Variants in GABBR2 observed in about 807,000 individuals in gnomAD.
GABBR2 encodes G-protein coupled receptor 51.
GABBR2 carries 23 observed loss-of-function variants against 105.6 expected under a neutral mutation model. The ratio of observed to expected loss-of-function variants is 0.22; its 90% CI spans 0.16 to 0.31. The LOEUF is 0.31. Among genes scored for constraint, GABBR2 ranks in the 10% least tolerant of loss-of-function variants. The pLI, the probability that GABBR2 is intolerant of heterozygous loss-of-function variation, is 1.00. For synonymous variants in GABBR2, 478 were observed against 499.7 expected, an observed-to-expected ratio of 0.96 and a Z score of 0.58; for missense variants, 734 against 1,245.5, an observed-to-expected ratio of 0.59 and a Z score of 6.18.
intron 3 of GABBR2, among the ~76,000 whole-genome samples, chr9:98,535,063 C>T (rs1217777241): frequency 6.6e-6 from 1 of 152,138 alleles, no homozygotes; most frequent in African/African-American, 2.4e-5. Context: ...GCTCCTCATC[C>T]ATGGATTCAA....
At chr9:98,537,720 A>C (rs1330751339) in intron 3 of GABBR2, among the ~76,000 whole-genome samples, 2 of 152,120 alleles carry the variant, frequency 1.3e-5, no homozygotes, top group Non-Finnish European at 2.9e-5. Context: ...TACAGGTGTG[A>C]GCCACCACAC....
Position 98,508,535 on chromosome 9 carries a change from G to A in GABBR2, c.631-12021C>T, listed in dbSNP as rs555411261. 2.0e-3 allele frequency among the ~76,000 whole-genome samples: 305 copies of A among 152,316 alleles called. 2 individuals are homozygous for A. Among genetic ancestry groups the A allele is most frequent in the African/African-American group, 6.8e-3 (282 of 41,564 alleles). ...CTAGTCAAAGAAAGGGGTAACAGAC[G>A]GCACCTGGAAAATTGGGTCACTCCC... is the stretch of plus-strand genomic sequence containing the variant. On this transcript the variant is annotated intron_variant, in intron 3 of 18. Coordinates refer to ENST00000259455, the MANE Select transcript of GABBR2 (RefSeq NM_005458.8).
intron 13 of GABBR2, among the ~76,000 whole-genome samples, chr9:98,328,817 C>A (rs905395094): frequency 1.6e-4 from 24 of 152,282 alleles, no homozygotes; most frequent in Admixed American, 5.9e-4. Context: ...CAGCCAGTCA[C>A]TGAGAATGTG....
intron 11 of GABBR2, among the ~76,000 whole-genome samples, chr9:98,381,863 C>T (rs183854481): frequency 2.7e-3 from 412 of 152,266 alleles, no homozygotes; most frequent in Non-Finnish European, 4.5e-3. Flanking sequence ...GAGCGTGACT[C>T]CCAGAATAGA....
At chr9:98,431,688 TTTTTG>T (rs1056715666) in intron 7 of GABBR2, among the ~76,000 whole-genome samples, 4 of 151,780 alleles carry the variant, frequency 2.6e-5, no homozygotes, top group East Asian at 3.9e-4. Flanking sequence ...TGTCTGTTTT[TTTTTG>T]TTTTGTTTTG....
At chr9:98,446,801 C>T (rs1010022085) in intron 7 of GABBR2, among the ~76,000 whole-genome samples, 8 of 152,124 alleles carry the variant, frequency 5.3e-5, no homozygotes, top group African/African-American at 1.9e-4. Flanking sequence ...GAACAAGCCC[C>T]ATGTTCTAGG....
intron 7 of GABBR2, among the ~76,000 whole-genome samples, chr9:98,438,365 C>T (rs2131583899): frequency 6.6e-6 from 1 of 152,256 alleles, no homozygotes; most frequent in East Asian, 1.9e-4. Flanking sequence ...CCCATACATT[C>T]AACCAGCCTT....
At chr9:98,588,880 G>GA (rs1475593769) in intron 1 of GABBR2, among the ~76,000 whole-genome samples, 2 of 152,150 alleles carry the variant, frequency 1.3e-5, no homozygotes, top group Non-Finnish European at 2.9e-5. Context: ...TGTGAGTGGG[G>GA]AAAAAATGCA....
At chr9:98,614,326 C>T (rs1175813235) in intron 1 of GABBR2, among the ~76,000 whole-genome samples, 2 of 152,122 alleles carry the variant, frequency 1.3e-5, no homozygotes, top group Non-Finnish European at 2.9e-5. Flanking sequence ...AAGTTCGAGA[C>T]CAGCCTGGTC....
chr9:98,370,670 T>C (rs1184094645), intron 12 of GABBR2, among the ~76,000 whole-genome samples: 1 of 152,146 alleles, frequency 6.6e-6, no homozygotes, highest in African/African-American at 2.4e-5. Flanking sequence ...ACTCTACATA[T>C]TATAATAGTT....
chr9:98,573,520 G>A (rs567419624), intron 2 of GABBR2, among the ~76,000 whole-genome samples: 33 of 152,316 alleles, frequency 2.2e-4, no homozygotes, highest in Admixed American at 2.0e-3. Flanking sequence ...CTGGCTTAAA[G>A]CCATCCTCCT....
intron 1 of GABBR2, among the ~76,000 whole-genome samples, chr9:98,632,617 G>A (rs765617603): frequency 2.0e-5 from 3 of 152,150 alleles, no homozygotes; most frequent in African/African-American, 4.8e-5. Context: ...CCATCATGCT[G>A]GAGAAGCCAA....
At position 98,629,698 on chromosome 9, in the gene GABBR2, T is replaced by G. The variant is rs116936182; in HGVS notation, c.322-51626A>C. Among the ~76,000 whole-genome samples, 5 of 152,304 alleles carry G rather than the reference T, an allele frequency of 3.3e-5. No individual in the cohort carries two copies. The East Asian group carries it at 9.7e-4, about 29-fold the overall frequency. On this transcript the variant is annotated intron_variant, in intron 1 of 18. Transcript: ENST00000259455. ...GGTCCAAACCAATTGGCTCACCCCT[T>G]TTTTCTTGATTGTGATTGGTTCAGG...
intron 1 of GABBR2, among the ~76,000 whole-genome samples, chr9:98,592,509 G>A (rs1829160623): frequency 6.6e-6 from 1 of 152,138 alleles, no homozygotes; most frequent in African/African-American, 2.4e-5. Flanking sequence ...ACAGGTTCAG[G>A]GAGCTTAACT....
At chr9:98,496,365 G>A (rs1047208861) in intron 4 of GABBR2, 48 bp downstream of exon 4, 1 of 1,190,872 alleles carries the variant, frequency 8.4e-7, no homozygotes, top group Admixed American at 1.7e-5. Context: ...TGGGCACCCA[G>A]GGCATTGAGA....
chr9:98,428,476 A>G (rs1340293531), intron 7 of GABBR2, among the ~76,000 whole-genome samples: 1 of 152,192 alleles, frequency 6.6e-6, no homozygotes, highest in East Asian at 1.9e-4. Context: ...GGATGTCATC[A>G]TGGGATCAGC....
intron 1 of GABBR2, among the ~76,000 whole-genome samples, chr9:98,654,653 G>A (rs1465680999): frequency 6.6e-6 from 1 of 152,192 alleles, no homozygotes; most frequent in Non-Finnish European, 1.5e-5. Context: ...GAATTCAGAA[G>A]GCCTAGACAA....
intron 2 of GABBR2, among the ~76,000 whole-genome samples, chr9:98,574,917 C>G (rs1051829202): frequency 1.3e-4 from 20 of 152,204 alleles, no homozygotes; most frequent in African/African-American, 4.6e-4. Context: ...GACAAAGCGT[C>G]CATCTTCAGA....
At chr9:98,478,388 A>G (rs1375107338) in intron 5 of GABBR2, among the ~76,000 whole-genome samples, 5 of 152,140 alleles carry the variant, frequency 3.3e-5, no homozygotes, top group Non-Finnish European at 7.4e-5. Flanking sequence ...CTTCCAGAAG[A>G]ACTCCTTCCC....
Sources: gnomAD v4.1 joint callset for allele counts (sites outside exome capture counted in the v4.1 genomes callset) on GRCh38, gnomAD v4.1.1 for gene constraint, MANE v1.5 for transcripts, NCBI Gene and HGNC (gene_info 2026-07-23, HGNC 2026-07-21) for gene names.